Variants in DCP2 observed in about 807,000 individuals in gnomAD.
DCP2 encodes m7GpppN-mRNA hydrolase.
In DCP2, 30 loss-of-function variants were observed where a neutral mutation model predicts 56.1. That is an observed-to-expected ratio of 0.53 (90% CI 0.40 to 0.73). DCP2 has a LOEUF of 0.73. DCP2 is among the 30% of genes least tolerant of loss of function. The pLI, the probability that DCP2 is intolerant of heterozygous loss-of-function variation, is 0.00. For missense variants in DCP2, 533 were observed against 502.7 expected (o/e 1.06, Z -0.58); for synonymous variants, 197 against 163.3 (o/e 1.21, Z -1.57).
rs1374539239 is a variant in DCP2, at chr5:113,001,365, G to A, written c.594G>A (p.Glu198=). The A allele has an allele frequency of 6.2e-7, 1 of 1,611,470 alleles. No individual in the cohort carries two copies. The highest frequency in any genetic ancestry group is 1.1e-5 in the South Asian group (1 of 90,116). The change falls in exon 6 of 11, where the codon GAG becomes GAA. Residue 198 remains glutamate (E), a synonymous_variant. Transcript: ENST00000389063. ...PKTRREIRNI[E]WFSIEKLPCH... Reference sequence around the variant, plus strand: ...TTTCTTCTGTGTTTCAGAACATTGAGTGGTTCTCTATTGAGAAATTGCCTT... The same window carrying A: ...TTTCTTCTGTGTTTCAGAACATTGAATGGTTCTCTATTGAGAAATTGCCTT...
chr5:112,983,717 C>G (rs1748119437), intron 1 of DCP2, among the ~76,000 whole-genome samples: 1 of 151,844 alleles, frequency 6.6e-6, no homozygotes, highest in Non-Finnish European at 1.5e-5. Flanking sequence ...AGGTCATATA[C>G]AAAACATTAA....
intron 1 of DCP2, among the ~76,000 whole-genome samples, 174 bp from the exon 2 acceptor site, chr5:112,985,657 CCTCT>C (rs1271204939): frequency 1.3e-5 from 2 of 152,130 alleles, no homozygotes; most frequent in African/African-American, 2.4e-5. Context: ...TGTGGTGTCT[CCTCT>C]CTAAGACTCA....
In DCP2 at chr5:112,976,955, A is replaced by G. The variant is rs1747734144; in HGVS notation, c.22A>G (p.Ile8Val). Residue 8 changes from isoleucine (I) to valine (V), a missense_variant, in exon 1 of 11, where the codon ATT (isoleucine) becomes GTT (valine). Physicochemically the swap from Ile to Val is conservative, Grantham distance 29 (BLOSUM62 3). This residue lies in a region of DCP2 where 137 missense variants were observed against 138.2 expected (regional missense o/e 0.99). Coordinates refer to ENST00000389063, the MANE Select transcript of DCP2 (RefSeq NM_152624.6). METKRVEIPGSVLDDLCS... is the reference protein window; with the variant it reads METKRVEVPGSVLDDLCS... ...CATCATGGAGACCAAACGGGTGGAG[A>G]TTCCCGGCAGCGTCCTGGACGATCT... 1 of 1,597,724 alleles carries G rather than the reference A, an allele frequency of 6.3e-7. No homozygotes were observed. The highest frequency in any genetic ancestry group is 1.3e-5 in the African/African-American group (1 of 74,396).
rs142125665 is a variant in DCP2, at chr5:113,009,865, AAATAT to A, written c.1048-886_1048-882del. On this transcript the variant is annotated intron_variant, in intron 9 of 10. Coordinates refer to ENST00000389063, the MANE Select transcript of DCP2 (RefSeq NM_152624.6). ...CATCTTCATAGGAAATCAGCTAGAA[AAATAT>A]AATACTAATTAGCTCTGGGTTGAGA... Among the ~76,000 whole-genome samples, 793 of 152,276 alleles carry A rather than the reference AAATAT, an allele frequency of 5.2e-3. 9 individuals carry two copies. The highest frequency in any genetic ancestry group is 0.018 in the African/African-American group (738 of 41,542).
In DCP2 at chr5:113,001,839, G is replaced by A. The variant is rs189553641; in HGVS notation, c.806+165G>A. ...AAGATTTTTTTAAAGGGTTTCTGATGAGATGAAAAAGGTTAATTGGAGTTG... is the reference window on the plus strand; with the variant it reads ...AAGATTTTTTTAAAGGGTTTCTGATAAGATGAAAAAGGTTAATTGGAGTTG... On this transcript the variant is annotated intron_variant, in intron 7 of 10. Coordinates refer to ENST00000389063, the MANE Select transcript of DCP2 (RefSeq NM_152624.6). 5.2e-3 allele frequency among the ~76,000 whole-genome samples: 788 copies of A among 152,218 alleles called. 3 individuals carry two copies. The highest frequency in any genetic ancestry group is 6.9e-3 in the Non-Finnish European group (466 of 68,010).
chr5:112,984,408 C>G (rs919176538), intron 1 of DCP2: 2 of 152,032 alleles, frequency 1.3e-5, no homozygotes, highest in Non-Finnish European at 2.9e-5. Flanking sequence ...TATACTGGGC[C>G]TGATCAACCG....
At position 113,014,902 on chromosome 5, in the gene DCP2, A is replaced by G. The variant is rs1749822067; in HGVS notation, c.*1418A>G. On this transcript the variant is annotated 3_prime_UTR_variant, in exon 11 of 11. Coordinates refer to ENST00000389063, the MANE Select transcript of DCP2 (RefSeq NM_152624.6). ...ATTTAATTGGGTTCCACTGAACCTC[A>G]TGGGACTTTTAAAAGAAGGGCTATT... 6.6e-6 allele frequency: 1 copy of G among 152,658 alleles called. No homozygotes were observed. Among genetic ancestry groups the G allele is most frequent in the Non-Finnish European group, 1.5e-5 (1 of 68,040 alleles). The allele number at this position is 152,658 out of a possible 1,614,324, so 9.5% of individuals were successfully genotyped here.
chr5:113,012,383 G>C (rs1208021127), intron 10 of DCP2, among the ~76,000 whole-genome samples: 4 of 152,014 alleles, frequency 2.6e-5, no homozygotes, highest in African/African-American at 4.8e-5. Context: ...ACTATAACTT[G>C]GTATATCGAT....
intron 8 of DCP2, among the ~76,000 whole-genome samples, chr5:113,005,151 G>GGTGTGTGT (rs56389236): frequency 0.018 from 2,619 of 149,506 alleles, 29 homozygotes; most frequent in Middle Eastern, 0.02. Flanking sequence ...TGTGCGTGTG[G>GGTGTGTGT]GTGTGTGTGT....
rs558208044 is a variant in DCP2, at chr5:113,013,579, G to T, written c.*95G>T. 36 of 1,400,744 alleles carry T rather than the reference G, an allele frequency of 2.6e-5. No individual in the cohort carries two copies. The highest frequency in any genetic ancestry group is 3.5e-5 in the Non-Finnish European group (36 of 1,028,320). The allele number at this position is 1,400,744 out of a possible 1,614,324, so 86.8% of individuals were successfully genotyped here. ...CCTTACCTTTCTCAGGTGTTTTAAA[G>T]AAATGCAGGGAGGCAATGTTTCTGA... On this transcript the variant is annotated 3_prime_UTR_variant, in exon 11 of 11. Transcript: ENST00000389063.
In DCP2 at chr5:113,001,173, G is replaced by A; in HGVS notation, c.522G>A (p.Leu174=). 2 of 1,613,896 alleles carry A rather than the reference G, an allele frequency of 1.2e-6. No homozygotes were observed. The highest frequency in any genetic ancestry group is 8.5e-7 in the Non-Finnish European group (1 of 1,179,946). Residue 174 remains leucine (L), a synonymous_variant, in exon 5 of 11, where the codon TTG becomes TTA. Coordinates refer to ENST00000389063, the MANE Select transcript of DCP2 (RefSeq NM_152624.6). The part of the protein sequence containing the change: ...ELRINDQLAR[L]YIIPGIPKDT... ...GAATCAATGACCAGCTTGCTCGTTT[G>A]TACATCATTCCAGGAATTCCAAAAG... is the stretch of plus-strand genomic sequence containing the variant.
chr5:112,983,636 G>C (rs947013312), intron 1 of DCP2, among the ~76,000 whole-genome samples: 2 of 151,980 alleles, frequency 1.3e-5, no homozygotes, highest in Admixed American at 6.6e-5. Flanking sequence ...ATCAAAAATA[G>C]ACACTGCAAA....
rs1279734642 is a variant in DCP2 at position 113,020,931 on chromosome 5, A to C, written c.*7447A>C. The C allele has an allele frequency of 6.6e-6, 1 of 152,186 alleles. No individual in the cohort carries two copies. The highest frequency in any genetic ancestry group is 2.4e-5 in the African/African-American group (1 of 41,436). The allele number at this position is 152,186 out of a possible 1,614,324, so 9.4% of individuals were successfully genotyped here. A position where few individuals can be genotyped will look rare whatever the true frequency, so the allele number is the denominator to read the frequency against. ...GTTAGATTGTTTGTAATGTACTATC[A>C]ATAAAATTGGCTGCTTGGGCGGTTT... On this transcript the variant is annotated 3_prime_UTR_variant, in exon 11 of 11. Coordinates refer to ENST00000389063, the MANE Select transcript of DCP2 (RefSeq NM_152624.6).
chr5:112,976,829 C>G lies in DCP2; in HGVS notation c.-105C>G, dbSNP rs540462564. ...TCCGTTGGAGTCGTCTCTGCCGCGGCTTCCTCGGCTGCCAGCTCTCCGGCG... is the reference window on the plus strand; with the variant it reads ...TCCGTTGGAGTCGTCTCTGCCGCGGGTTCCTCGGCTGCCAGCTCTCCGGCG... On this transcript the variant is annotated 5_prime_UTR_variant, in exon 1 of 11. Transcript: ENST00000389063. 55 of 1,197,046 alleles carry G rather than the reference C, an allele frequency of 4.6e-5. No homozygotes were observed. The highest frequency in any genetic ancestry group is 4.4e-4 in the South Asian group (36 of 82,682). 74.2% of individuals were successfully genotyped at this position (1,197,046 alleles called of 1,614,324 possible).
chr5:112,986,237 A>G (rs561728517), intron 2 of DCP2, among the ~76,000 whole-genome samples: 69 of 152,230 alleles, frequency 4.5e-4, no homozygotes, highest in African/African-American at 1.6e-3. Context: ...TTTTTTTCCC[A>G]TGCATAGCTA....
intron 8 of DCP2, among the ~76,000 whole-genome samples, chr5:113,006,084 C>T (rs1042864420): frequency 6.7e-6 from 1 of 149,138 alleles, no homozygotes; most frequent in Non-Finnish European, 1.5e-5. Flanking sequence ...CCATTGCACT[C>T]CAGCCTGGGC....
chr5:112,981,121 G>C (rs1344624691), intron 1 of DCP2, among the ~76,000 whole-genome samples: 2 of 151,944 alleles, frequency 1.3e-5, no homozygotes, highest in East Asian at 3.8e-4. Flanking sequence ...CTATCCACTT[G>C]GCTCAGCCTC....
At chr5:112,984,703 A>AAAATATATATATATATATATATAT in intron 1 of DCP2, 2 of 64,858 alleles carry the variant, frequency 3.1e-5, no homozygotes, top group African/African-American at 7.9e-5. Flanking sequence ...AAAAAAAAAA[A>AAAATATATATATATATATATATAT]ATATATATAT....
chr5:113,013,536 A>G lies in DCP2; in HGVS notation c.*52A>G. ...CAGGATCAGAGACCTGTTGAATTTG[A>G]GTGGGTGTCTCCTCAAGCCTTACCT... On this transcript the variant is annotated 3_prime_UTR_variant, in exon 11 of 11. Coordinates refer to ENST00000389063, the MANE Select transcript of DCP2 (RefSeq NM_152624.6). 6.3e-7 allele frequency: 1 copy of G among 1,597,986 alleles called. No individual in the cohort carries two copies. The highest frequency in any genetic ancestry group is 8.6e-7 in the Non-Finnish European group (1 of 1,169,554).
Sources: allele counts gnomAD v4.1 joint callset (sites outside exome capture counted in the v4.1 genomes callset), GRCh38; gene constraint gnomAD v4.1.1; regional missense constraint gnomAD v4.1.1; transcripts MANE v1.5; gene names NCBI Gene and HGNC (gene_info 2026-07-23, HGNC 2026-07-21).